Variants in KAT7 observed in about 807,000 individuals in gnomAD.
The protein encoded by KAT7 is lysine acetyltransferase 7.
In KAT7, 10 loss-of-function variants were observed where a neutral mutation model predicts 82.1. The observed-to-expected ratio is 0.12, with a 90% confidence interval of 0.08 to 0.21. KAT7 has a LOEUF of 0.21. KAT7 is among the 10% of genes least tolerant of loss of function. KAT7 has a pLI of 1.00. For synonymous variants in KAT7, 250 were observed against 262.5 expected (o/e 0.95, Z 0.46); for missense variants, 378 against 760.9 (o/e 0.50, Z 5.92).
intron 4 of KAT7, among the ~76,000 whole-genome samples, chr17:49,801,905 C>T (rs919309440): frequency 8.5e-5 from 13 of 152,164 alleles, no homozygotes; most frequent in East Asian, 1.9e-4. Context: ...AACTCATACC[C>T]GCAGAACTGT....
chr17:49,798,539 A>G lies in KAT7; in HGVS notation c.561A>G (p.Thr187=). 1.2e-6 allele frequency: 2 copies of G among 1,611,670 alleles called. No individual in the cohort carries two copies. The highest frequency in any genetic ancestry group is 1.7e-6 in the Non-Finnish European group (2 of 1,178,008). Residue 187 remains threonine, a synonymous_variant, in exon 4 of 15, where the codon ACA becomes ACG. Coordinates refer to ENST00000259021, the MANE Select transcript of KAT7 (RefSeq NM_007067.5). ...ACAACTTCAATATGAAGTGTCCTACACCAGGCTGTAACTCTCTAGGTCAGT... is the reference window on the plus strand; with the variant it reads ...ACAACTTCAATATGAAGTGTCCTACGCCAGGCTGTAACTCTCTAGGTCAGT... ...ESYNFNMKCP[T]PGCNSLGHLT...
intron 4 of KAT7, among the ~76,000 whole-genome samples, chr17:49,800,466 G>C (rs2074010861): frequency 1.3e-5 from 2 of 152,144 alleles, no homozygotes; most frequent in African/African-American, 4.8e-5. Context: ...AACTAAGAAA[G>C]ACAATATATT....
chr17:49,816,897 G>A (rs1004948375), intron 8 of KAT7, among the ~76,000 whole-genome samples: 1 of 151,442 alleles, frequency 6.6e-6, no homozygotes, highest in Non-Finnish European at 1.5e-5. Flanking sequence ...CTGCAGCCTC[G>A]ACCTTCAGTG....
In KAT7 at chr17:49,809,220, G is replaced by A; in HGVS notation, c.753+12G>A. ...CAACCAGGCACCAGGTATGGGCCTT[G>A]TTAAAGCACTGGCCATTCATAGTTT... On this transcript the variant is annotated intron_variant, in intron 6 of 14. Coordinates refer to ENST00000259021, the MANE Select transcript of KAT7 (RefSeq NM_007067.5). 6.2e-7 allele frequency: 1 copy of A among 1,604,932 alleles called. No homozygotes were observed. The highest frequency in any genetic ancestry group is 8.5e-7 in the Non-Finnish European group (1 of 1,171,750).
intron 3 of KAT7, 149 bp from the exon 4 acceptor site, chr17:49,798,170 A>G: frequency 4.5e-6 from 3 of 673,954 alleles, no homozygotes; most frequent in Non-Finnish European, 7.4e-6. Flanking sequence ...GTGCCTCTTC[A>G]TTTTCCATTT....
intron 11 of KAT7, among the ~76,000 whole-genome samples, chr17:49,822,318 C>G (rs766232542): frequency 3.3e-5 from 5 of 151,934 alleles, no homozygotes; most frequent in Non-Finnish European, 5.9e-5. Context: ...CCCTCTGCCT[C>G]CCAGGTTCAA....
In KAT7 at chr17:49,793,477, A is replaced by G. The variant is rs189698871; in HGVS notation, c.163+1444A>G. The stretch of plus-strand genomic sequence containing the variant: ...TTCCCTGAGGAGGAAAGAAGGTTGC[A>G]GCTAATACAGAAAGCCGATGATCAA... On this transcript the variant is annotated intron_variant, in intron 2 of 14. Transcript: ENST00000259021. Among the ~76,000 whole-genome samples the G allele has an allele frequency of 1.4e-3, 211 of 152,256 alleles. 2 individuals carry two copies. The highest frequency in any genetic ancestry group is 2.9e-3 in the Admixed American group (44 of 15,292).
chr17:49,797,023 C>T (rs1422287043), intron 3 of KAT7, 97 bp downstream of exon 3: 2 of 906,730 alleles, frequency 2.2e-6, no homozygotes, highest in African/African-American at 1.7e-5. Context: ...ATGCCTAATA[C>T]TTCAGCTAGA....
chr17:49,796,954 T>C, intron 3 of KAT7, 28 bp downstream of exon 3: 1 of 1,596,304 alleles, frequency 6.3e-7, no homozygotes, highest in Non-Finnish European at 8.6e-7. Flanking sequence ...GACTTAGACC[T>C]ATTACAGAGC....
chr17:49,795,960 A>G (rs1351901010), intron 2 of KAT7, among the ~76,000 whole-genome samples: 1 of 150,966 alleles, frequency 6.6e-6, no homozygotes, highest in Non-Finnish European at 1.5e-5. Flanking sequence ...GCAAGCTATG[A>G]TTAAACATGT....
chr17:49,809,926 ATAT>A (rs1412887516), intron 6 of KAT7, among the ~76,000 whole-genome samples: 7 of 152,292 alleles, frequency 4.6e-5, no homozygotes, highest in South Asian at 2.1e-4. Context: ...CCTTTGTGAC[ATAT>A]TATATTTTGT....
intron 7 of KAT7, among the ~76,000 whole-genome samples, chr17:49,812,333 T>G (rs1598074377): frequency 1.3e-5 from 2 of 149,072 alleles, no homozygotes; most frequent in African/African-American, 4.9e-5. Context: ...CAAGTAATTC[T>G]CCCGCCTCAG....
intron 5 of KAT7, among the ~76,000 whole-genome samples, chr17:49,806,018 T>C (rs931245087): frequency 7.2e-5 from 11 of 152,204 alleles, no homozygotes; most frequent in Admixed American, 6.5e-4. Flanking sequence ...TCAGATCCCA[T>C]TTGTGCGTTC....
chr17:49,802,125 ATAGT>A (rs1432723428), intron 4 of KAT7, among the ~76,000 whole-genome samples: 1 of 152,166 alleles, frequency 6.6e-6, no homozygotes, highest in African/African-American at 2.4e-5. Context: ...CATTATATTG[ATAGT>A]TTATAAATTA....
Position 49,817,802 on chromosome 17 carries a change from T to C in KAT7, c.964-18T>C, listed in dbSNP as rs200211822. The C allele has an allele frequency of 4.3e-3, 6,896 of 1,605,330 alleles. 47 individuals carry two copies. Among genetic ancestry groups the C allele is most frequent in the Middle Eastern group, 0.023 (104 of 4,468 alleles). ...ATAAATTCTGATCCTCCTTTGACTT[T>C]TGATTTCTTGGCAATAGGAGAAGTT... On this transcript the variant is annotated intron_variant, in intron 8 of 14. Coordinates refer to ENST00000259021, the MANE Select transcript of KAT7 (RefSeq NM_007067.5).
chr17:49,825,854 T>C lies in KAT7; in HGVS notation c.1481-146T>C, dbSNP rs2074363090. On this transcript the variant is annotated intron_variant, in intron 12 of 14. Transcript: ENST00000259021. Reference sequence around the variant, plus strand: ...TTTATACAAAGGCAGTATACTATAGTTAACCACACAGTATTCCATTGAATG... The same window carrying C: ...TTTATACAAAGGCAGTATACTATAGCTAACCACACAGTATTCCATTGAATG... The C allele has an allele frequency of 1.3e-5, 10 of 755,088 alleles. No homozygotes were observed. The South Asian group carries it at 1.7e-4, about 12-fold the overall frequency. The allele number at this position is 755,088 out of a possible 1,614,324, so 46.8% of individuals were successfully genotyped here.
intron 4 of KAT7, among the ~76,000 whole-genome samples, chr17:49,803,349 C>T (rs1348670411): frequency 6.8e-5 from 10 of 148,142 alleles, no homozygotes; most frequent in Non-Finnish European, 1.5e-4. Context: ...CTACCTGCCT[C>T]GGCCTCCCAA....
intron 5 of KAT7, among the ~76,000 whole-genome samples, chr17:49,808,042 T>G (rs985407222): frequency 1.8e-4 from 27 of 151,990 alleles, no homozygotes; most frequent in African/African-American, 6.3e-4. Context: ...AAACAGAAAC[T>G]GTTGAGAGCT....
At chr17:49,827,377 C>G (rs376688405) in intron 14 of KAT7, 24 bp from the exon 15 acceptor site, 21 of 1,434,542 alleles carry the variant, frequency 1.5e-5, no homozygotes, top group African/African-American at 2.8e-5. Context: ...GTATGTAATC[C>G]TTTTTCCCAT....
Sources: allele counts gnomAD v4.1 joint callset (sites outside exome capture counted in the v4.1 genomes callset), GRCh38; gene constraint gnomAD v4.1.1; transcripts MANE v1.5; gene names NCBI Gene and HGNC (gene_info 2026-07-23, HGNC 2026-07-21).